The following VTCN1 variants were observed in gnomAD, a reference collection of about 807,000 sequenced individuals.
VTCN1 encodes V-set domain-containing T-cell activation inhibitor 1.
A neutral mutation model predicts 26.5 loss-of-function variants in VTCN1; 26 were observed. The observed-to-expected ratio is 0.98, with a 90% CI of 0.72 to 1.36. The LOEUF is 1.36. Among genes scored for constraint, VTCN1 ranks in the 40% most tolerant of loss-of-function variants. The pLI is 0.00. For missense variants in VTCN1, 298 were observed against 337.7 expected (o/e 0.88, Z 0.92); for synonymous variants, 116 against 130.7 (o/e 0.89, Z 0.77).
Position 117,161,102 on chromosome 1 carries a change from G to A in VTCN1, c.98-4181C>T, listed in dbSNP as rs1361147195. ...GATCTGGGAGACGAATTATGAAAGA[G>A]GACAAAATGAAGTTTTTGCTGTGTA... On this transcript the variant is annotated intron_variant, in intron 2 of 5. Coordinates refer to ENST00000369458, the MANE Select transcript of VTCN1 (RefSeq NM_024626.4). This position sits in a 1 kb window ranked among gnomAD's most constrained non-coding sequence, Gnocchi z 4.3. Among the ~76,000 whole-genome samples the A allele has an allele frequency of 6.6e-6, 1 of 152,170 alleles. No homozygotes were observed. The highest frequency in any genetic ancestry group is 1.5e-5 in the Non-Finnish European group (1 of 68,024).
chr1:117,204,290 A>G (rs1483564721), intron 1 of VTCN1, among the ~76,000 whole-genome samples: 21 of 152,200 alleles, frequency 1.4e-4, no homozygotes, highest in Non-Finnish European at 3.1e-4. Flanking sequence ...CCTAGGTGCT[A>G]CTATTATTAA....
intron 2 of VTCN1, among the ~76,000 whole-genome samples, chr1:117,157,757 C>G (rs1047166260): frequency 5.3e-5 from 8 of 152,206 alleles, no homozygotes; most frequent in African/African-American, 1.7e-4. Flanking sequence ...TCAGCATTAA[C>G]TCAAAAGTCC....
In VTCN1 at chr1:117,147,541, G is replaced by A. The variant is rs1024506849; in HGVS notation, c.*45+72C>T. On this transcript the variant is annotated intron_variant, in intron 5 of 5. Transcript: ENST00000369458. This position sits in a 1 kb window ranked among gnomAD's most constrained non-coding sequence, Gnocchi z 4.6. ...TTTCTTTCTGTGGCTGATGCTGAAG[G>A]CTATCCGACTCTCATTAGGAGCACA... 1 of 1,282,372 alleles carries A rather than the reference G, an allele frequency of 7.8e-7. No homozygotes were observed. The highest frequency in any genetic ancestry group is 1.1e-6 in the Non-Finnish European group (1 of 939,950). The allele number at this position is 1,282,372 out of a possible 1,614,324, so 79.4% of individuals were successfully genotyped here.
In VTCN1 at chr1:117,153,213, A is replaced by G. The variant is rs1651888469; in HGVS notation, c.602T>C (p.Leu201Pro). 2.5e-6 allele frequency: 4 copies of G among 1,614,032 alleles called. No individual in the cohort carries two copies. The Admixed American group carries it at 5.0e-5, about 20-fold the overall frequency. Residue 201 changes from leucine (L) to proline (P), a missense_variant, in exon 4 of 6, where the codon CTG becomes CCG. By Grantham distance (98) the Leu-to-Pro change is moderately conservative. Coordinates refer to ENST00000369458, the MANE Select transcript of VTCN1 (RefSeq NM_024626.4). ...FSEVSNTSFE[L>P]NSENVTMKVV... ...CTTCATGGTCACATTCTCAGAGTTCAGCTCAAAGCTGGTATTGGAGACTTC... is the reference window on the plus strand; with the variant it reads ...CTTCATGGTCACATTCTCAGAGTTCGGCTCAAAGCTGGTATTGGAGACTTC...
chr1:117,193,288 T>C (rs772976872), intron 1 of VTCN1, among the ~76,000 whole-genome samples: 1 of 152,116 alleles, frequency 6.6e-6, no homozygotes, highest in Non-Finnish European at 1.5e-5. Context: ...ATGGATTACA[T>C]TTTTCAGTCA....
intron 1 of VTCN1, among the ~76,000 whole-genome samples, chr1:117,196,015 A>G (rs1935780): frequency 0.4 from 60,732 of 151,834 alleles, 13,682 homozygotes; most frequent in African/African-American, 0.62. Flanking sequence ...AGTCAGGCAT[A>G]TTGGCATGCA....
intron 1 of VTCN1, among the ~76,000 whole-genome samples, chr1:117,174,627 C>CCACCACGCCCAGCTAATTTTT (rs1647220401): frequency 6.6e-6 from 1 of 152,044 alleles, no homozygotes; most frequent in Admixed American, 6.5e-5. Flanking sequence ...ATTAGCTGGG[C>CCACCACGCCCAGCTAATTTTT]GTGGTGGCAA....
At chr1:117,152,988 A>C (rs928003544) in intron 4 of VTCN1, 103 bp downstream of exon 4, 31 of 1,333,760 alleles carry the variant, frequency 2.3e-5, no homozygotes, top group African/African-American at 7.4e-5. Context: ...AGAGGACTCT[A>C]GAGATTTTTG....
At chr1:117,179,495 A>T (rs370593720) in intron 1 of VTCN1, among the ~76,000 whole-genome samples, 5 of 152,202 alleles carry the variant, frequency 3.3e-5, no homozygotes, top group African/African-American at 1.2e-4. Flanking sequence ...GCACTGAGTG[A>T]AAGTTCTAGG....
At chr1:117,178,375 G>C (rs1198747176) in intron 1 of VTCN1, among the ~76,000 whole-genome samples, 2 of 149,908 alleles carry the variant, frequency 1.3e-5, no homozygotes, top group African/African-American at 4.9e-5. Context: ...TCCTGCCTTA[G>C]CCTCCTGAGT....
chr1:117,188,686 A>G (rs1648088193), intron 1 of VTCN1, among the ~76,000 whole-genome samples: 1 of 152,190 alleles, frequency 6.6e-6, no homozygotes, highest in Non-Finnish European at 1.5e-5. Context: ...TTTGGGACAT[A>G]TTCTACTACT....
At chr1:117,154,741 C>CTGT (rs991901236) in intron 3 of VTCN1, among the ~76,000 whole-genome samples, 1 of 137,018 alleles carries the variant, frequency 7.3e-6, no homozygotes, top group African/African-American at 2.7e-5. Context: ...CGAGATCGTG[C>CTGT]TGTTGTACTC....
chr1:117,190,554 G>T (rs1289832921), intron 1 of VTCN1, among the ~76,000 whole-genome samples: 2 of 152,130 alleles, frequency 1.3e-5, no homozygotes, highest in Admixed American at 1.3e-4. Context: ...AGACCCAACT[G>T]CAGATCCTGA....
chr1:117,150,629 AAAC>A (rs374902797), intron 4 of VTCN1, among the ~76,000 whole-genome samples: 59 of 152,354 alleles, frequency 3.9e-4, no homozygotes, highest in African/African-American at 1.3e-3. Context: ...ATTGCAGTAA[AAAC>A]AACAAAATTT....
At chr1:117,170,804 T>C (rs1652869392) in intron 1 of VTCN1, among the ~76,000 whole-genome samples, 1 of 152,226 alleles carries the variant, frequency 6.6e-6, no homozygotes, top group Admixed American at 6.5e-5. Flanking sequence ...ATCATCTAAA[T>C]ACAACCACTG....
intron 1 of VTCN1, among the ~76,000 whole-genome samples, chr1:117,202,310 A>T (rs906891365): frequency 2.6e-5 from 4 of 152,198 alleles, no homozygotes; most frequent in African/African-American, 9.7e-5. Context: ...AGCTGCCACC[A>T]GCAACCGGGT....
chr1:117,153,871 G>C (rs940347288), intron 3 of VTCN1, among the ~76,000 whole-genome samples: 1 of 152,194 alleles, frequency 6.6e-6, no homozygotes, highest in Non-Finnish European at 1.5e-5. Flanking sequence ...GGGATTTGGA[G>C]TTTGCTTGGG....
chr1:117,156,474 T>C, intron 3 of VTCN1, 100 bp downstream of exon 3: 4 of 1,261,492 alleles, frequency 3.2e-6, no homozygotes, highest in Admixed American at 2.8e-5. Flanking sequence ...GGGAGCATCA[T>C]TGTCTGATAT....
chr1:117,203,876 G>A, intron 1 of VTCN1: 1 of 763,726 alleles, frequency 1.3e-6, no homozygotes, highest in Non-Finnish European at 1.6e-6. Context: ...CAGGATGGGG[G>A]GAATGAAAAT....
Sources: allele counts gnomAD v4.1 joint callset (sites outside exome capture counted in the v4.1 genomes callset), GRCh38; gene constraint gnomAD v4.1.1; non-coding constraint Gnocchi (gnomAD v3.1); transcripts MANE v1.5; gene names NCBI Gene and HGNC (gene_info 2026-07-23, HGNC 2026-07-21).